Variants in MAP2 observed in about 807,000 individuals in gnomAD.
MAP2 encodes the protein microtubule associated protein 2.
Under a neutral mutation model 137.6 loss-of-function variants are expected in MAP2, and 14 were observed. That is an observed-to-expected ratio of 0.10 (90% CI 0.07 to 0.16). The LOEUF (loss-of-function observed/expected upper bound fraction) is 0.16, where lower values mean the gene tolerates loss of function less well. Among genes scored for constraint, MAP2 ranks in the 10% least tolerant of loss-of-function variants. The pLI is 1.00. For synonymous variants in MAP2, 786 were observed against 782.3 expected, an observed-to-expected ratio of 1.00 and a Z score of -0.08; for missense variants, 2,088 against 2,191.5, an observed-to-expected ratio of 0.95 and a Z score of 0.94.
chr2:209,597,938 A>T (rs897897786), intron 3 of MAP2, among the ~76,000 whole-genome samples: 2 of 151,990 alleles, frequency 1.3e-5, no homozygotes, highest in African/African-American at 4.8e-5. Context: ...ACTTATATTT[A>T]TCAGATTAAT....
chr2:209,474,925 G>A (rs1477536115), intron 1 of MAP2, among the ~76,000 whole-genome samples: 1 of 151,924 alleles, frequency 6.6e-6, no homozygotes, highest in East Asian at 1.9e-4. Flanking sequence ...TCTCCCTCCT[G>A]CCAGAGATAA....
chr2:209,617,132 C>A (rs572398705), intron 3 of MAP2, among the ~76,000 whole-genome samples: 1 of 152,180 alleles, frequency 6.6e-6, no homozygotes, highest in South Asian at 2.1e-4. Flanking sequence ...AAAGAGGGCT[C>A]TGGTTTCTAT....
chr2:209,478,311 T>G (rs1159257169), intron 1 of MAP2, among the ~76,000 whole-genome samples: 1 of 152,200 alleles, frequency 6.6e-6, no homozygotes, highest in East Asian at 1.9e-4. Flanking sequence ...CCTGATGTCC[T>G]TATCTTTAAA....
chr2:209,553,612 G>A (rs1168307103), intron 2 of MAP2, among the ~76,000 whole-genome samples: 1 of 152,164 alleles, frequency 6.6e-6, no homozygotes, highest in Admixed American at 6.5e-5. Flanking sequence ...AATGATAGTA[G>A]TTATTGGCAT....
intron 10 of MAP2, among the ~76,000 whole-genome samples, chr2:209,698,905 A>T (rs1367989134): frequency 6.6e-6 from 1 of 152,182 alleles, no homozygotes; most frequent in East Asian, 1.9e-4. Flanking sequence ...TGTCATCAGG[A>T]TTGTGGAATT....
At position 209,710,019 on chromosome 2, in the gene MAP2, C is replaced by T; in HGVS notation, c.4838C>T (p.Thr1613Ile). The change falls in exon 13 of 16, where the codon ACA (threonine) becomes ATA (isoleucine). Residue 1613 changes from threonine (T) to isoleucine (I), a missense_variant. Thr to Ile is a moderately conservative substitution (Grantham distance 89, BLOSUM62 -1). Around this residue, in one of 6 missense-constraint regions of MAP2, gnomAD observed 591 missense variants for 642.6 expected, o/e 0.92. Transcript: ENST00000682079. ...ACCCCACCAAGTTATTCTTCACGCA[C>T]ACCAGGCACTCCTGGAACCCCTAGC... ...PGTPPSYSSR[T>I]PGTPGTPSYP... The T allele has an allele frequency of 6.2e-7, 1 of 1,614,096 alleles. No homozygotes were observed. The highest frequency in any genetic ancestry group is 8.5e-7 in the Non-Finnish European group (1 of 1,180,010).
intron 2 of MAP2, among the ~76,000 whole-genome samples, chr2:209,524,965 C>T (rs1023385523): frequency 1.3e-5 from 2 of 152,014 alleles, no homozygotes; most frequent in Admixed American, 6.6e-5. Context: ...ATTTTTGTCT[C>T]GTCTGCTAAG....
At chr2:209,647,440 G>A (rs1032333325) in intron 4 of MAP2, among the ~76,000 whole-genome samples, 2 of 152,172 alleles carry the variant, frequency 1.3e-5, no homozygotes, top group Non-Finnish European at 2.9e-5. Context: ...AATGTTACAT[G>A]TGTTAAAAAG....
At chr2:209,619,327 A>T (rs1296095748) in intron 3 of MAP2, among the ~76,000 whole-genome samples, 1 of 152,196 alleles carries the variant, frequency 6.6e-6, no homozygotes, top group Admixed American at 6.5e-5. Flanking sequence ...TACATATGAT[A>T]TCAAGCTTGA....
chr2:209,600,769 G>A (rs969746957), intron 3 of MAP2, among the ~76,000 whole-genome samples: 1 of 152,140 alleles, frequency 6.6e-6, no homozygotes. Flanking sequence ...GAATTTGCAG[G>A]CTTCCCCAGG....
At chr2:209,583,138 T>C (rs2076875348) in intron 3 of MAP2, among the ~76,000 whole-genome samples, 1 of 132,752 alleles carries the variant, frequency 7.5e-6, no homozygotes, top group Admixed American at 8.2e-5. Flanking sequence ...TCTATCCATC[T>C]GTCTGTCTGT....
intron 7 of MAP2, among the ~76,000 whole-genome samples, chr2:209,689,919 C>T (rs1414154302): frequency 6.6e-6 from 1 of 152,064 alleles, no homozygotes; most frequent in Non-Finnish European, 1.5e-5. Context: ...TCATTTTCTC[C>T]AACATCATAC....
chr2:209,429,475 T>TA lies in MAP2; in HGVS notation c.-222+5201dup, dbSNP rs578261081. 5.3e-5 allele frequency among the ~76,000 whole-genome samples: 8 copies of TA among 152,300 alleles called. No individual in the cohort carries two copies. The East Asian group carries it at 1.5e-3, about 29-fold the overall frequency. The stretch of plus-strand genomic sequence containing the variant: ...ACTAGTTCCACTAATGTGTACCTAT[T>TA]AAGTGAAGTATGAACTACTCTATGA... On this transcript the variant is annotated intron_variant, in intron 1 of 15. Coordinates refer to ENST00000682079, the MANE Select transcript of MAP2 (RefSeq NM_001375505.1).
intron 1 of MAP2, among the ~76,000 whole-genome samples, chr2:209,462,180 A>C (rs1293294767): frequency 6.6e-6 from 1 of 152,202 alleles, no homozygotes; most frequent in Non-Finnish European, 1.5e-5. Context: ...CATTTTGAGA[A>C]TAAGTGTTGT....
intron 3 of MAP2, among the ~76,000 whole-genome samples, chr2:209,583,115 CTCTA>C (rs200682173): frequency 2.5e-3 from 371 of 145,534 alleles, no homozygotes; most frequent in South Asian, 5.0e-3. Flanking sequence ...ATCAAAATAT[CTCTA>C]TCTATCTATC....
At position 209,558,809 on chromosome 2, in the gene MAP2, G is replaced by A. The variant is rs1158610127; in HGVS notation, c.-171-21227G>A. Among the ~76,000 whole-genome samples the A allele has an allele frequency of 3.3e-5, 5 of 151,646 alleles. 1 individual carries two copies. Among genetic ancestry groups the A allele is most frequent in the Admixed American group, 3.3e-4 (5 of 15,208 alleles). On this transcript the variant is annotated intron_variant, in intron 2 of 15. Coordinates refer to ENST00000682079, the MANE Select transcript of MAP2 (RefSeq NM_001375505.1). ...GACGTTAATGTTTCTGGAAATACCA[G>A]GCCAGTTGTCTTGAAGACTGTCTCC...
At chr2:209,563,440 T>TGCCCTGTCCTTAGTAAGCACCTTAG (rs1298133750) in intron 2 of MAP2, among the ~76,000 whole-genome samples, 8 of 147,458 alleles carry the variant, frequency 5.4e-5, no homozygotes, top group African/African-American at 2.2e-4. Context: ...AAGCACCTTA[T>TGCCCTGTCCTTAGTAAGCACCTTAG]AAAAGATTTT....
At chr2:209,714,061 CGTG>C (rs2066539397) in intron 13 of MAP2, among the ~76,000 whole-genome samples, 1 of 151,764 alleles carries the variant, frequency 6.6e-6, no homozygotes. Flanking sequence ...AATAGCCAGG[CGTG>C]GTGGTGGGCA....
At chr2:209,609,306 T>C (rs2085984502) in intron 3 of MAP2, among the ~76,000 whole-genome samples, 1 of 152,160 alleles carries the variant, frequency 6.6e-6, no homozygotes. Flanking sequence ...CATATGTCAT[T>C]GGGTCATTAA....
Sources: gnomAD v4.1 joint callset for allele counts (sites outside exome capture counted in the v4.1 genomes callset) on GRCh38, gnomAD v4.1.1 for gene constraint, gnomAD v4.1.1 regional missense constraint, MANE v1.5 for transcripts, NCBI Gene and HGNC (gene_info 2026-07-23, HGNC 2026-07-21) for gene names.